The following ACOXL variants were observed in gnomAD, a reference collection of about 807,000 sequenced individuals.
ACOXL encodes acyl-coenzyme A oxidase-like protein.
ACOXL carries 70 observed loss-of-function variants against 71.9 expected under a neutral mutation model. The ratio of observed to expected loss-of-function variants is 0.97; its 90% CI spans 0.80 to 1.19. The LOEUF (loss-of-function observed/expected upper bound fraction) is 1.19. ACOXL is among the 50% of genes most tolerant of loss of function. The pLI is 0.00. For missense variants in ACOXL, 703 were observed against 736.3 expected (o/e 0.95, Z 0.52); for synonymous variants, 253 against 281.6 (o/e 0.90, Z 1.02).
intron 16 of ACOXL, among the ~76,000 whole-genome samples, chr2:111,064,435 C>CAAAAAAAAAAAAA (rs34617136): frequency 1.2e-5 from 1 of 85,318 alleles, no homozygotes; most frequent in Non-Finnish European, 2.3e-5. Flanking sequence ...CACTCCATCT[C>CAAAAAAAAAAAAA]AAAAAAAAAA....
rs1303251446 is a variant in ACOXL at position 111,061,706 on chromosome 2, T to A, written c.1440+12418T>A. On this transcript the variant is annotated intron_variant, in intron 16 of 17. Coordinates refer to ENST00000439055, the MANE Select transcript of ACOXL (RefSeq NM_001142807.4). ...GTAGAGAAAACATTTTAGACTATTA[T>A]AAACAAGGGAGGGCAATAGGATGTA... Among the ~76,000 whole-genome samples the A allele has an allele frequency of 3.9e-5, 6 of 152,210 alleles. No individual in the cohort carries two copies. In the East Asian group the frequency reaches 1.2e-3, roughly 29 times the overall value.
At chr2:110,851,906 A>G (rs956126576) in intron 10 of ACOXL, among the ~76,000 whole-genome samples, 2 of 152,214 alleles carry the variant, frequency 1.3e-5, no homozygotes, top group Non-Finnish European at 1.5e-5. Context: ...CGCAGAGGTG[A>G]ACATAGCCGG....
In ACOXL at chr2:110,894,931, A is replaced by C. The variant is rs533636335; in HGVS notation, c.789-13858A>C. On this transcript the variant is annotated intron_variant, in intron 10 of 17. Coordinates refer to ENST00000439055, the MANE Select transcript of ACOXL (RefSeq NM_001142807.4). ...CAGTAATGACTCCTTTCCCTGCCAC[A>C]ATACAGTCAGACCAGATGCTTAAAT... is the stretch of plus-strand genomic sequence containing the variant. Among the ~76,000 whole-genome samples, 5 of 152,334 alleles carry C rather than the reference A, an allele frequency of 3.3e-5. No homozygotes were observed. The South Asian group carries it at 1.0e-3, about 32-fold the overall frequency.
intron 10 of ACOXL, among the ~76,000 whole-genome samples, chr2:110,847,224 A>G (rs1692015037): frequency 6.6e-6 from 1 of 152,006 alleles, no homozygotes; most frequent in Non-Finnish European, 1.5e-5. Context: ...AAGAGAGTTT[A>G]GATGTTCTTC....
At chr2:111,068,066 C>T (rs1273498773) in intron 16 of ACOXL, among the ~76,000 whole-genome samples, 1 of 152,180 alleles carries the variant, frequency 6.6e-6, no homozygotes, top group Non-Finnish European at 1.5e-5. Flanking sequence ...ATGGAAGCTG[C>T]TCTTGGCTCC....
At chr2:111,031,897 T>TA (rs1368381215) in intron 15 of ACOXL, among the ~76,000 whole-genome samples, 183 bp downstream of exon 15, 2 of 152,110 alleles carry the variant, frequency 1.3e-5, no homozygotes, top group Non-Finnish European at 2.9e-5. Flanking sequence ...ACTCCCAACT[T>TA]ACTAGGAACA....
chr2:110,740,936 G>C (rs1212189388), intron 1 of ACOXL, among the ~76,000 whole-genome samples: 1 of 152,242 alleles, frequency 6.6e-6, no homozygotes, highest in African/African-American at 2.4e-5. Flanking sequence ...CCTTGGTCCT[G>C]TCTAGGGGCC....
At chr2:110,744,265 C>T (rs532075291) in intron 1 of ACOXL, among the ~76,000 whole-genome samples, 2 of 152,264 alleles carry the variant, frequency 1.3e-5, no homozygotes, top group African/African-American at 4.8e-5. Context: ...GCTCTGGGCC[C>T]AAGGAACATA....
chr2:110,964,742 A>G (rs2061852389), intron 12 of ACOXL, among the ~76,000 whole-genome samples: 1 of 152,208 alleles, frequency 6.6e-6, no homozygotes, highest in Admixed American at 6.5e-5. Flanking sequence ...GTTTTGTTAC[A>G]TGCCTTGAGT....
rs1697679299 is a variant in ACOXL at position 110,889,352 on chromosome 2, C to CGT, written c.789-19437_789-19436insGT. 3.3e-5 allele frequency among the ~76,000 whole-genome samples: 5 copies of CGT among 152,328 alleles called. No homozygotes were observed. In the South Asian group the frequency reaches 1.0e-3, roughly 32 times the overall value. ...AACAGCTTTATTGATATATCATCCA[C>CGT]ATTGTGTAAAATTGTTTCATTTAAG... On this transcript the variant is annotated intron_variant, in intron 10 of 17. Transcript: ENST00000439055.
chr2:110,802,249 A>G (rs1423884635), intron 8 of ACOXL, among the ~76,000 whole-genome samples: 1 of 151,892 alleles, frequency 6.6e-6, no homozygotes, highest in African/African-American at 2.4e-5. Flanking sequence ...GATGGGTGCT[A>G]TTGCTTCCTT....
intron 16 of ACOXL, among the ~76,000 whole-genome samples, chr2:111,069,459 T>G (rs540480049): frequency 6.6e-6 from 1 of 152,148 alleles, no homozygotes; most frequent in Non-Finnish European, 1.5e-5. Context: ...GCCTCCCTCT[T>G]CTTATAAGGA....
chr2:110,835,189 A>G (rs1690298547), intron 9 of ACOXL, among the ~76,000 whole-genome samples: 1 of 152,254 alleles, frequency 6.6e-6, no homozygotes, highest in African/African-American at 2.4e-5. Context: ...AAATCTGGAA[A>G]GAGCCTACAT....
chr2:111,047,977 G>C (rs1308252603), intron 15 of ACOXL, among the ~76,000 whole-genome samples: 2 of 152,238 alleles, frequency 1.3e-5, no homozygotes, highest in Non-Finnish European at 2.9e-5. Flanking sequence ...TTCTATTTTA[G>C]AGTAACATTG....
chr2:110,989,722 T>G (rs2063092103), intron 13 of ACOXL, among the ~76,000 whole-genome samples: 1 of 152,178 alleles, frequency 6.6e-6, no homozygotes, highest in African/African-American at 2.4e-5. Context: ...GTGAACGTAC[T>G]TAATACCACT....
At chr2:110,964,808 T>A (rs1322025115) in intron 12 of ACOXL, among the ~76,000 whole-genome samples, 1 of 152,244 alleles carries the variant, frequency 6.6e-6, no homozygotes, top group East Asian at 1.9e-4. Flanking sequence ...TATTTATCAT[T>A]TCTATGTGTT....
intron 14 of ACOXL, among the ~76,000 whole-genome samples, chr2:111,009,513 C>CAA (rs35134750): frequency 1.7e-5 from 2 of 115,002 alleles, no homozygotes; most frequent in Non-Finnish European, 3.8e-5. Context: ...GACTCCGTCT[C>CAA]AAAAAAAAAA....
At chr2:110,774,820 C>T (rs1682432267) in intron 2 of ACOXL, among the ~76,000 whole-genome samples, 1 of 152,188 alleles carries the variant, frequency 6.6e-6, no homozygotes. Context: ...AAAAACTCAT[C>T]CTAAAATTCA....
intron 12 of ACOXL, among the ~76,000 whole-genome samples, chr2:110,959,735 C>T (rs191483565): frequency 1.3e-5 from 2 of 152,300 alleles, no homozygotes; most frequent in East Asian, 3.9e-4. Flanking sequence ...GATCAGCATT[C>T]AGCACCCCAG....
Sources: allele counts gnomAD v4.1 joint callset (sites outside exome capture counted in the v4.1 genomes callset), GRCh38; gene constraint gnomAD v4.1.1; transcripts MANE v1.5; gene names NCBI Gene and HGNC (gene_info 2026-07-23, HGNC 2026-07-21).